Variants in DUOXA1 observed in about 807,000 individuals in gnomAD.
DUOXA1 encodes the protein dual oxidase activator 1.
DUOXA1 carries 19 observed loss-of-function variants against 26.6 expected under a neutral mutation model. The ratio of observed to expected loss-of-function variants is 0.71; its 90% CI spans 0.50 to 1.05. DUOXA1 has a LOEUF of 1.05. DUOXA1 is among the 50% of genes least tolerant of loss of function. DUOXA1 has a pLI of 0.00. For missense variants in DUOXA1, 403 were observed against 427.5 expected, an observed-to-expected ratio of 0.94 and a Z score of 0.51; for synonymous variants, 166 against 177.0, an observed-to-expected ratio of 0.94 and a Z score of 0.49.
Position 45,120,003 on chromosome 15 carries a change from C to T in DUOXA1, c.772+100G>A, listed in dbSNP as rs1895015192. On this transcript the variant is annotated intron_variant, in intron 8 of 8. Coordinates refer to ENST00000560572, the MANE Select transcript of DUOXA1 (RefSeq NM_001276266.2). The stretch of plus-strand genomic sequence containing the variant: ...TTTAAAGAGGGCAAAGCCATCCTGG[C>T]CTCCAGGAACAGACCCTCAACTCTA... 4 of 1,374,292 alleles carry T rather than the reference C, an allele frequency of 2.9e-6. No individual in the cohort carries two copies. The Admixed American group carries it at 5.2e-5, about 18-fold the overall frequency. 85.1% of individuals were successfully genotyped at this position (1,374,292 alleles called of 1,614,324 possible).
rs1896016518 is a variant in DUOXA1, at chr15:45,129,726, T to C, written c.-302-111A>G. 6.6e-6 allele frequency: 1 copy of C among 152,306 alleles called. No homozygotes were observed. Among genetic ancestry groups the C allele is most frequent in the South Asian group, 2.1e-4 (1 of 4,818 alleles). 9.4% of individuals were successfully genotyped at this position (152,306 alleles called of 1,614,324 possible). A position where few individuals can be genotyped will look rare whatever the true frequency, so the allele number is the denominator to read the frequency against. ...CATACCCTCTCCGCCTCCCACCCTC[T>C]CCCCAGCCCCATGGGACTTGTGAAG... is the stretch of plus-strand genomic sequence containing the variant. On this transcript the variant is annotated intron_variant, in intron 1 of 8. Transcript: ENST00000560572. This position sits in a 1 kb window ranked among gnomAD's most constrained non-coding sequence, Gnocchi z 4.1.
In DUOXA1 at chr15:45,118,245, G is replaced by C. The variant is rs1894818943; in HGVS notation, c.*861C>G. ...TCTCTGCGTCGACTCCAGAGTAATAGGGGCGCCCTCTAGTGAGGCCGGAGG... is the reference window on the plus strand; with the variant it reads ...TCTCTGCGTCGACTCCAGAGTAATACGGGCGCCCTCTAGTGAGGCCGGAGG... On this transcript the variant is annotated 3_prime_UTR_variant, in exon 9 of 9. Transcript: ENST00000560572. The C allele has an allele frequency of 7.1e-7, 1 of 1,400,164 alleles. No homozygotes were observed. The highest frequency in any genetic ancestry group is 1.4e-5 in the African/African-American group (1 of 69,008). 86.7% of individuals were successfully genotyped at this position (1,400,164 alleles called of 1,614,324 possible).
rs747271801 is a variant in DUOXA1 at position 45,120,715 on chromosome 15, T to G, written c.431A>C (p.Lys144Thr). Residue 144 changes from lysine to threonine, a missense_variant, in exon 7 of 9, where the codon AAG (lysine) becomes ACG (threonine). Physicochemically the swap from Lys to Thr is moderately conservative, Grantham distance 78. Transcript: ENST00000560572. Reference protein sequence around the residue: ...LGENYAEEYAKALEKGLPDPV... With the variant: ...LGENYAEEYATALEKGLPDPV... ...GTCTGGCAGCCCCTTCTCCAGAGCC[T>G]TTGCATACTCCTCAGCATAGTTCTC... 6.2e-7 allele frequency: 1 copy of G among 1,614,126 alleles called. No homozygotes were observed. The highest frequency in any genetic ancestry group is 1.1e-5 in the South Asian group (1 of 91,082).
At position 45,118,351 on chromosome 15, in the gene DUOXA1, C is replaced by T. The variant is rs1894828918; in HGVS notation, c.*755G>A. Reference sequence around the variant, plus strand: ...GTGATGAGGCAGGTCACCCACTCCCCCGTCCTGGATGCCACTCAGCTAGCC... The same window carrying T: ...GTGATGAGGCAGGTCACCCACTCCCTCGTCCTGGATGCCACTCAGCTAGCC... On this transcript the variant is annotated 3_prime_UTR_variant, in exon 9 of 9. Transcript: ENST00000560572. 8.5e-7 allele frequency: 1 copy of T among 1,170,412 alleles called. No homozygotes were observed. The highest frequency in any genetic ancestry group is 4.3e-5 in the East Asian group (1 of 23,264). 72.5% of individuals were successfully genotyped at this position (1,170,412 alleles called of 1,614,324 possible).
At chr15:45,124,582 T>G (rs1895519454) in intron 3 of DUOXA1, among the ~76,000 whole-genome samples, 1 of 152,202 alleles carries the variant, frequency 6.6e-6, no homozygotes, top group Non-Finnish European at 1.5e-5. Flanking sequence ...CCATCTTGGT[T>G]CACTGCAACC....
At chr15:45,125,323 G>A (rs1462640258) in intron 3 of DUOXA1, among the ~76,000 whole-genome samples, 4 of 151,796 alleles carry the variant, frequency 2.6e-5, no homozygotes, top group Admixed American at 6.6e-5. Flanking sequence ...CCATCATAGC[G>A]TCCCAGCTTC....
intron 5 of DUOXA1, 115 bp from the exon 6 acceptor site, chr15:45,121,336 C>A: frequency 3.5e-6 from 5 of 1,446,732 alleles, no homozygotes; most frequent in Non-Finnish European, 3.8e-6. Context: ...ACTGGATACC[C>A]GTTAACTAGC....
chr15:45,125,976 C>T (rs1279951900), intron 3 of DUOXA1, among the ~76,000 whole-genome samples: 3 of 152,166 alleles, frequency 2.0e-5, no homozygotes, highest in African/African-American at 7.2e-5. Flanking sequence ...TTTAACAACC[C>T]CTCAAATGGA....
chr15:45,120,434 G>A, intron 7 of DUOXA1, 114 bp from the exon 8 acceptor site: 2 of 1,473,286 alleles, frequency 1.4e-6, no homozygotes, highest in Non-Finnish European at 1.9e-6. Context: ...ATATGAGGTA[G>A]GGATTCCTTC....
In DUOXA1 at chr15:45,118,523, A is replaced by G. The variant is rs888388975; in HGVS notation, c.*583T>C. Reference sequence around the variant, plus strand: ...CCCAAGATTCTTGGCAAGTCTTGCAATCTTATGTAGCAAATTTGGGAACTG... The same window carrying G: ...CCCAAGATTCTTGGCAAGTCTTGCAGTCTTATGTAGCAAATTTGGGAACTG... On this transcript the variant is annotated 3_prime_UTR_variant, in exon 9 of 9. Transcript: ENST00000560572. The G allele has an allele frequency of 2.0e-6, 2 of 994,418 alleles. No individual in the cohort carries two copies. Among genetic ancestry groups the G allele is most frequent in the African/African-American group, 3.5e-5 (2 of 57,502 alleles). The allele number at this position is 994,418 out of a possible 1,614,324, so 61.6% of individuals were successfully genotyped here. A position where few individuals can be genotyped will look rare whatever the true frequency, so the allele number is the denominator to read the frequency against.
intron 3 of DUOXA1, among the ~76,000 whole-genome samples, chr15:45,126,168 G>T (rs1486963945): frequency 4.6e-5 from 7 of 152,016 alleles, no homozygotes; most frequent in Non-Finnish European, 7.4e-5. Flanking sequence ...CTCTTACCTG[G>T]TTCCAAAATA....
At chr15:45,128,809 G>C (rs1360714144) in intron 3 of DUOXA1, 1 of 152,182 alleles carries the variant, frequency 6.6e-6, no homozygotes, top group Non-Finnish European at 1.5e-5. Flanking sequence ...GGCCTTAAGA[G>C]GTTTTCCTTG....
Position 45,119,343 on chromosome 15 carries a change from G to A in DUOXA1, c.795C>T (p.Gly265=), listed in dbSNP as rs1464916695. The change falls in exon 9 of 9, where the codon GGC becomes GGT. Residue 265 remains glycine (G), a synonymous_variant. Transcript: ENST00000560572. ...TCCTGTGGGCCACCGCCATAGCCAG[G>A]CCCAGCAGCACACACAGCAGTCCTG... ...LTTGLLCVLL[G]LAMAVAHRMQ... 2.5e-6 allele frequency: 4 copies of A among 1,613,004 alleles called. No homozygotes were observed. Among genetic ancestry groups the A allele is most frequent in the Non-Finnish European group, 3.4e-6 (4 of 1,179,326 alleles).
intron 3 of DUOXA1, among the ~76,000 whole-genome samples, chr15:45,128,008 G>T (rs1341431039): frequency 6.6e-6 from 1 of 152,112 alleles, no homozygotes; most frequent in East Asian, 1.9e-4. Context: ...TGGGGTGGGG[G>T]GAGTTTCCCA....
chr15:45,118,063 G>C lies in DUOXA1; in HGVS notation c.*1043C>G. On this transcript the variant is annotated 3_prime_UTR_variant, in exon 9 of 9. Transcript: ENST00000560572. ...CGCAGGCACCAGGGAAAGTCTCCTG[G>C]GGCGATCTGTAAATAAACCTTTTTT... is the stretch of plus-strand genomic sequence containing the variant. The C allele has an allele frequency of 1.3e-6, 2 of 1,555,530 alleles. No homozygotes were observed. The highest frequency in any genetic ancestry group is 1.7e-6 in the Non-Finnish European group (2 of 1,152,740).
In DUOXA1 at chr15:45,118,891, T is replaced by C. The variant is rs768718281; in HGVS notation, c.*215A>G. 6 of 1,268,678 alleles carry C rather than the reference T, an allele frequency of 4.7e-6. No individual in the cohort carries two copies. Among genetic ancestry groups the C allele is most frequent in the Non-Finnish European group, 6.0e-6 (6 of 1,007,604 alleles). 78.6% of individuals were successfully genotyped at this position (1,268,678 alleles called of 1,614,324 possible). Reference sequence around the variant, plus strand: ...GGCCTTATCATGGCAACAGGCTTTATGGACAGGCCCAGCATCTCTTCAGTC... The same window carrying C: ...GGCCTTATCATGGCAACAGGCTTTACGGACAGGCCCAGCATCTCTTCAGTC... On this transcript the variant is annotated 3_prime_UTR_variant, in exon 9 of 9. Coordinates refer to ENST00000560572, the MANE Select transcript of DUOXA1 (RefSeq NM_001276266.2).
chr15:45,125,594 G>A (rs1895616883), intron 3 of DUOXA1, among the ~76,000 whole-genome samples: 1 of 151,852 alleles, frequency 6.6e-6, no homozygotes, highest in Admixed American at 6.6e-5. Flanking sequence ...AAATCCAAAG[G>A]GCAGTTTTCA....
chr15:45,119,159 T>C lies in DUOXA1; in HGVS notation c.979A>G (p.Thr327Ala), dbSNP rs1043838472. ...QDIPLSEASS[T>A]KAYCKEAHPK... ...TGTGCCTCCTTACAGTATGCCTTGG[T>C]GGAGGAAGCCTCTGACAGGGGAATG... Residue 327 changes from threonine to alanine, a missense_variant, in exon 9 of 9, where the codon ACC becomes GCC. Physicochemically the swap from Thr to Ala is moderately conservative, Grantham distance 58 (BLOSUM62 0). Coordinates refer to ENST00000560572, the MANE Select transcript of DUOXA1 (RefSeq NM_001276266.2). 2.5e-6 allele frequency: 4 copies of C among 1,609,950 alleles called. No homozygotes were observed. The African/African-American group carries it at 5.3e-5, about 22-fold the overall frequency.
In DUOXA1 at chr15:45,117,735, C is replaced by G. The variant is rs1450600476; in HGVS notation, c.*1371G>C. On this transcript the variant is annotated 3_prime_UTR_variant, in exon 9 of 9. Coordinates refer to ENST00000560572, the MANE Select transcript of DUOXA1 (RefSeq NM_001276266.2). Reference sequence around the variant, plus strand: ...CCACAGGCGTCCTGTGCCTCTTCCTCGGAGGGGCCGTGGTGAGTCTCCAGT... The same window carrying G: ...CCACAGGCGTCCTGTGCCTCTTCCTGGGAGGGGCCGTGGTGAGTCTCCAGT... 6 of 1,612,870 alleles carry G rather than the reference C, an allele frequency of 3.7e-6. No individual in the cohort carries two copies. Among genetic ancestry groups the G allele is most frequent in the Non-Finnish European group, 5.1e-6 (6 of 1,179,048 alleles).
Sources: gnomAD v4.1 joint callset for allele counts (sites outside exome capture counted in the v4.1 genomes callset) on GRCh38, gnomAD v4.1.1 for gene constraint, Gnocchi (gnomAD v3.1) non-coding constraint, MANE v1.5 for transcripts, NCBI Gene and HGNC (gene_info 2026-07-23, HGNC 2026-07-21) for gene names.